Variants in ARHGAP22 observed in about 807,000 individuals in gnomAD.
ARHGAP22 encodes Rho GTPase activating protein 22, also known as rho GTPase-activating protein 22.
A neutral mutation model predicts 59.1 loss-of-function variants in ARHGAP22; 48 were observed. That is an observed-to-expected ratio of 0.81 (90% CI 0.64 to 1.03). The LOEUF (loss-of-function observed/expected upper bound fraction) is 1.03, where lower values mean the gene tolerates loss of function less well. Ranked by LOEUF, ARHGAP22 falls within the 50% of genes least tolerant of loss-of-function variation. ARHGAP22 has a pLI of 0.00. For missense variants in ARHGAP22, 1,015 were observed against 958.7 expected (o/e 1.06, Z -0.78); for synonymous variants, 445 against 416.4 (o/e 1.07, Z -0.84).
At chr10:48,636,975 A>T (rs553011421) in intron 1 of ARHGAP22, among the ~76,000 whole-genome samples, 2 of 152,356 alleles carry the variant, frequency 1.3e-5, no homozygotes, top group South Asian at 4.1e-4. Flanking sequence ...AGGCTTTCTC[A>T]TGATGGCCAG....
chr10:48,439,183 T>C, the ARHGAP22 span: 1 of 151,566 alleles, frequency 6.6e-6, no homozygotes. Context: ...TCCTTTCCTC[T>C]AGACAAAACA....
chr10:48,456,657 G>A (rs2046545183), intron 5 of ARHGAP22, among the ~76,000 whole-genome samples: 1 of 152,124 alleles, frequency 6.6e-6, no homozygotes, highest in South Asian at 2.1e-4. Flanking sequence ...GCAGCTGGGG[G>A]GATGGGAGCA....
intron 2 of ARHGAP22, among the ~76,000 whole-genome samples, chr10:48,565,099 C>G (rs114277708): frequency 1.8e-3 from 277 of 152,302 alleles, no homozygotes; most frequent in African/African-American, 6.3e-3. Flanking sequence ...ATAATAAATC[C>G]GAGATCCTGT....
At chr10:48,459,952 G>A (rs1029530366) in intron 4 of ARHGAP22, 61 bp from the exon 5 acceptor site, 2 of 1,519,702 alleles carry the variant, frequency 1.3e-6, no homozygotes, top group Non-Finnish European at 9.0e-7. Context: ...GGGTGCTCAG[G>A]ACAATGGAGG....
At chr10:48,574,745 T>A (rs1588884748) in intron 2 of ARHGAP22, 1 of 152,262 alleles carries the variant, frequency 6.6e-6, no homozygotes, top group Non-Finnish European at 1.5e-5. Context: ...GGGGTTGTCC[T>A]AGCAGTCTCA....
At chr10:48,515,836 A>G (rs1345059107) in intron 3 of ARHGAP22, among the ~76,000 whole-genome samples, 2 of 152,188 alleles carry the variant, frequency 1.3e-5, no homozygotes, top group African/African-American at 4.8e-5. Flanking sequence ...CAAGAAGCTG[A>G]TCATAGTGGC....
At chr10:48,505,156 C>T (rs925140656) in intron 3 of ARHGAP22, among the ~76,000 whole-genome samples, 1 of 152,136 alleles carries the variant, frequency 6.6e-6, no homozygotes, top group African/African-American at 2.4e-5. Context: ...TGGATTCAAG[C>T]GATTCTCCTG....
At chr10:48,582,862 T>C (rs1448203712) in intron 2 of ARHGAP22, 91 bp downstream of exon 2, 2 of 1,450,622 alleles carry the variant, frequency 1.4e-6, no homozygotes, top group Non-Finnish European at 1.9e-6. Context: ...AGTCAGTGGC[T>C]CTGTGCCTTC....
chr10:48,605,151 G>A (rs1421905462), upstream of ARHGAP22: 1 of 1,175,316 alleles, frequency 8.5e-7, no homozygotes, highest in African/African-American at 1.6e-5. Context: ...GGCGGGGCGG[G>A]GCCGAGAGGG....
At chr10:48,435,055 G>A in the ARHGAP22 span, 7 of 1,375,566 alleles carry the variant, frequency 5.1e-6, no homozygotes, top group Non-Finnish European at 6.9e-6. Flanking sequence ...GGGGGTGGGA[G>A]GGATGGGGAG....
chr10:48,595,119 T>A lies in ARHGAP22; in HGVS notation c.34+9644A>T, dbSNP rs192490631. Among the ~76,000 whole-genome samples the A allele has an allele frequency of 2.1e-3, 324 of 152,316 alleles. 2 individuals are homozygous for A. The highest frequency in any genetic ancestry group is 7.4e-3 in the African/African-American group (308 of 41,576). On this transcript the variant is annotated intron_variant, in intron 1 of 9. Transcript: ENST00000249601. ...GAGGCACCCTGCCGTGGGCCAGGGA[T>A]GTTTCCTATCTGCAGCTCTGTGAGT...
chr10:48,446,932 G>C (rs2045411979), intron 9 of ARHGAP22, among the ~76,000 whole-genome samples: 1 of 152,214 alleles, frequency 6.6e-6, no homozygotes, highest in South Asian at 2.1e-4. Context: ...CCAGCTGGTA[G>C]GAACAGTACA....
the ARHGAP22 span, chr10:48,438,408 G>A: frequency 2.6e-5 from 4 of 152,198 alleles, no homozygotes; most frequent in African/African-American, 7.2e-5. Context: ...TTTGGGGTAC[G>A]ATTAGAAAAC....
At chr10:48,645,022 C>G (rs550851814) in intron 1 of ARHGAP22, among the ~76,000 whole-genome samples, 1 of 152,028 alleles carries the variant, frequency 6.6e-6, no homozygotes, top group East Asian at 1.9e-4. Flanking sequence ...AATGGAAAAG[C>G]CTTTATCTGG....
intron 3 of ARHGAP22, among the ~76,000 whole-genome samples, chr10:48,545,399 C>T (rs1297437656): frequency 3.3e-5 from 5 of 152,190 alleles, no homozygotes; most frequent in Non-Finnish European, 7.3e-5. Context: ...AGGAGAACCC[C>T]ACTGCAAAGC....
chr10:48,543,225 G>A (rs540007311), intron 3 of ARHGAP22, among the ~76,000 whole-genome samples: 1 of 152,314 alleles, frequency 6.6e-6, no homozygotes, highest in Admixed American at 6.5e-5. Flanking sequence ...ATTGAGCCCC[G>A]CAGAGTCCTC....
At chr10:48,576,614 T>C (rs1329019189) in intron 2 of ARHGAP22, among the ~76,000 whole-genome samples, 2 of 151,108 alleles carry the variant, frequency 1.3e-5, no homozygotes, top group African/African-American at 2.4e-5. Flanking sequence ...CTTATTTCAC[T>C]TTTTTTTTAC....
At chr10:48,589,893 TACAC>T (rs1426462659) in intron 1 of ARHGAP22, among the ~76,000 whole-genome samples, 2 of 152,162 alleles carry the variant, frequency 1.3e-5, no homozygotes, top group African/African-American at 4.8e-5. Flanking sequence ...TGGTATTTAC[TACAC>T]ACAGAGGAAA....
intron 2 of ARHGAP22, among the ~76,000 whole-genome samples, chr10:48,576,737 G>C (rs10776623): frequency 0.99 from 150,920 of 152,340 alleles, 74,770 homozygotes; most frequent in Middle Eastern, 1. Flanking sequence ...ACGTTCTATG[G>C]TCTCAGATGA....
Sources: gnomAD v4.1 joint callset for allele counts (sites outside exome capture counted in the v4.1 genomes callset) on GRCh38, gnomAD v4.1.1 for gene constraint, MANE v1.5 for transcripts, NCBI Gene and HGNC (gene_info 2026-07-23, HGNC 2026-07-21) for gene names.